The following ZBED4 variants were observed in gnomAD, a reference collection of about 807,000 sequenced individuals.
ZBED4 encodes zinc finger BED domain-containing protein 4.
ZBED4 carries 4 observed loss-of-function variants against 15.5 expected under a neutral mutation model. The observed-to-expected ratio is 0.26, with a 90% CI of 0.13 to 0.59. ZBED4 has a LOEUF of 0.59. Ranked by LOEUF, ZBED4 falls within the 20% of genes least tolerant of loss-of-function variation. The pLI is 0.90. For missense variants in ZBED4, 1,323 were observed against 1,461.8 expected (o/e 0.91, Z 1.55); for synonymous variants, 692 against 608.5 (o/e 1.14, Z -2.02).
chr22:49,864,484 C>T (rs1308018682), intron 1 of ZBED4, among the ~76,000 whole-genome samples: 2 of 152,114 alleles, frequency 1.3e-5, no homozygotes, highest in East Asian at 1.9e-4. Flanking sequence ...AGGACACGGC[C>T]ACGTCCGATA....
At position 49,884,240 on chromosome 22, in the gene ZBED4, C is replaced by T; in HGVS notation, c.578C>T (p.Pro193Leu). ...PSPSLLLPPQ[P>L]ADAGDLSTIL... ...CCCTCACTCCTGCTTCCACCACAGC[C>T]TGCGGACGCGGGTGACCTCAGCACC... The change falls in exon 2 of 2, where the codon CCT becomes CTT. Residue 193 changes from proline to leucine, a missense_variant. Physicochemically the swap from Pro to Leu is moderately conservative, Grantham distance 98 (BLOSUM62 -3). Around this residue, in one of 6 missense-constraint regions of ZBED4, gnomAD observed 380 missense variants for 413.7 expected, o/e 0.92. Transcript: ENST00000216268. 1 of 1,601,300 alleles carries T rather than the reference C, an allele frequency of 6.2e-7. No homozygotes were observed. Among genetic ancestry groups the T allele is most frequent in the Non-Finnish European group, 8.5e-7 (1 of 1,172,934 alleles).
At chr22:49,868,570 CTG>C (rs897240399) in intron 1 of ZBED4, among the ~76,000 whole-genome samples, 3 of 152,116 alleles carry the variant, frequency 2.0e-5, no homozygotes, top group African/African-American at 4.8e-5. Context: ...CAGAGCGAGA[CTG>C]TCTCTTCCAA....
chr22:49,865,208 A>G (rs1195068907), intron 1 of ZBED4, among the ~76,000 whole-genome samples: 1 of 152,108 alleles, frequency 6.6e-6, no homozygotes, highest in Non-Finnish European at 1.5e-5. Context: ...GCCTGTAGGC[A>G]TTTGTAACAC....
rs1289138222 is a variant in ZBED4 at position 49,886,915 on chromosome 22, G to A, written c.3253G>A (p.Val1085Met). 2 of 1,614,146 alleles carry A rather than the reference G, an allele frequency of 1.2e-6. No homozygotes were observed. The highest frequency in any genetic ancestry group is 1.7e-5 in the Admixed American group (1 of 60,024). Residue 1085 changes from valine to methionine, a missense_variant, in exon 2 of 2, where the codon GTG becomes ATG. Val to Met is a conservative substitution (Grantham distance 21, BLOSUM62 1). This residue lies in a region of ZBED4 where 312 missense variants were observed against 410.7 expected (regional missense o/e 0.76). Coordinates refer to ENST00000216268, the MANE Select transcript of ZBED4 (RefSeq NM_014838.3). The surrounding 1 kb of genome is among the most constrained non-coding windows in gnomAD (Gnocchi z 7.7). Reference protein sequence around the residue: ...DPREKLPEAMVLAYLEEEVLE... With the variant: ...DPREKLPEAMMLAYLEEEVLE... ...AAGAGAAAAGCTGCCTGAAGCCATG[G>A]TGCTTGCGTATCTGGAGGAGGAGGT... is the stretch of plus-strand genomic sequence containing the variant.
chr22:49,884,330 C>T lies in ZBED4; in HGVS notation c.668C>T (p.Thr223Ile). The change falls in exon 2 of 2, where the codon ACA (threonine) becomes ATA (isoleucine). Residue 223 changes from threonine to isoleucine, a missense_variant. Physicochemically the swap from Thr to Ile is moderately conservative, Grantham distance 89. Transcript: ENST00000216268. ...AAGATCCCGTCCCCCGATCGAATAACAGAGGAGTCTGTGTCTGTAGTTTCT... is the reference window on the plus strand; with the variant it reads ...AAGATCCCGTCCCCCGATCGAATAATAGAGGAGTCTGTGTCTGTAGTTTCT... Reference protein sequence around the residue: ...ASKIPSPDRITEESVSVVSSE... With the variant: ...ASKIPSPDRIIEESVSVVSSE... The T allele has an allele frequency of 6.2e-7, 1 of 1,613,794 alleles. No homozygotes were observed. Among genetic ancestry groups the T allele is most frequent in the Non-Finnish European group, 8.5e-7 (1 of 1,179,802 alleles).
intron 1 of ZBED4, among the ~76,000 whole-genome samples, chr22:49,873,294 G>A (rs1202666241): frequency 6.6e-6 from 1 of 152,192 alleles, no homozygotes; most frequent in Admixed American, 6.5e-5. Context: ...AACATGTAGA[G>A]GATTAATCGG....
At chr22:49,865,504 A>T (rs13056783) in intron 1 of ZBED4, among the ~76,000 whole-genome samples, 97,440 of 151,556 alleles carry the variant, frequency 0.64, 35,421 homozygotes, top group East Asian at 0.84. Flanking sequence ...AAAAAAAAAA[A>T]AATAATAACC....
intron 1 of ZBED4, among the ~76,000 whole-genome samples, chr22:49,871,758 T>TTTTA (rs1569160135): frequency 1.7e-5 from 2 of 119,772 alleles, no homozygotes; most frequent in South Asian, 2.8e-4. Context: ...TATTTATTTA[T>TTTTA]TTTTTTTTTT....
chr22:49,868,439 G>T (rs1217979758), intron 1 of ZBED4, among the ~76,000 whole-genome samples: 1 of 152,030 alleles, frequency 6.6e-6, no homozygotes, highest in Non-Finnish European at 1.5e-5. Flanking sequence ...AAATTAACTG[G>T]GTGGTGGCAC....
chr22:49,882,542 C>T (rs1182273103), intron 1 of ZBED4, among the ~76,000 whole-genome samples: 1 of 152,332 alleles, frequency 6.6e-6, no homozygotes, highest in Non-Finnish European at 1.5e-5. Flanking sequence ...GCTCCATCTC[C>T]TACCCCACAT....
intron 1 of ZBED4, among the ~76,000 whole-genome samples, chr22:49,872,044 G>A (rs955252001): frequency 2.0e-5 from 3 of 152,060 alleles, no homozygotes; most frequent in Admixed American, 6.6e-5. Context: ...GCACCCGGCT[G>A]ACAATTTCTT....
At chr22:49,878,775 A>C (rs550063985) in intron 1 of ZBED4, among the ~76,000 whole-genome samples, 1 of 152,232 alleles carries the variant, frequency 6.6e-6, no homozygotes, top group African/African-American at 2.4e-5. Context: ...AGGTGGGTGG[A>C]TCACCTGAGG....
At chr22:49,866,966 CT>C (rs1173445325) in intron 1 of ZBED4, among the ~76,000 whole-genome samples, 1 of 152,124 alleles carries the variant, frequency 6.6e-6, no homozygotes, top group African/African-American at 2.4e-5. Context: ...GTTTGGTTTG[CT>C]GTTTTTTCTA....
intron 1 of ZBED4, among the ~76,000 whole-genome samples, chr22:49,880,402 C>T (rs575652191): frequency 1.2e-3 from 188 of 152,374 alleles, no homozygotes; most frequent in Admixed American, 4.5e-3. Context: ...TCCTCTCCCG[C>T]GCTCGGGACA....
chr22:49,886,950 C>T lies in ZBED4; in HGVS notation c.3288C>T (p.His1096=). The change falls in exon 2 of 2, where the codon CAC becomes CAT. Residue 1096 remains histidine, a synonymous_variant. Transcript: ENST00000216268. This position sits in a 1 kb window ranked among gnomAD's most constrained non-coding sequence, Gnocchi z 7.7. ...ATCTGGAGGAGGAGGTGCTTGAACA[C>T]AGCTGTGACCCGCTCACCTACTGGA... ...LAYLEEEVLE[H]SCDPLTYWNL... The T allele has an allele frequency of 6.2e-7, 1 of 1,614,102 alleles. No homozygotes were observed. Among genetic ancestry groups the T allele is most frequent in the Non-Finnish European group, 8.5e-7 (1 of 1,180,026 alleles).
intron 1 of ZBED4, among the ~76,000 whole-genome samples, chr22:49,880,458 C>CAGCCTGGA (rs901498205): frequency 3.9e-5 from 6 of 152,250 alleles, no homozygotes; most frequent in African/African-American, 4.8e-5. Flanking sequence ...CCCCGCCCCG[C>CAGCCTGGA]AGCCTGGAAG....
At chr22:49,879,649 A>G (rs1026025184) in intron 1 of ZBED4, among the ~76,000 whole-genome samples, 3 of 99,434 alleles carry the variant, frequency 3.0e-5, no homozygotes, top group Admixed American at 2.3e-4. Flanking sequence ...GCGTGTTTCT[A>G]TTGGTTGGTT....
At chr22:49,855,656 G>A (rs2060272273) in intron 1 of ZBED4, among the ~76,000 whole-genome samples, 1 of 152,172 alleles carries the variant, frequency 6.6e-6, no homozygotes, top group African/African-American at 2.4e-5. Context: ...TGAGGAGCAG[G>A]AAGTGACCGT....
At chr22:49,874,194 A>C (rs916527818) in intron 1 of ZBED4, among the ~76,000 whole-genome samples, 1 of 151,946 alleles carries the variant, frequency 6.6e-6, no homozygotes, top group African/African-American at 2.4e-5. Context: ...GGAAGCACTC[A>C]CTCTTTCACT....
Sources: allele counts gnomAD v4.1 joint callset (sites outside exome capture counted in the v4.1 genomes callset), GRCh38; gene constraint gnomAD v4.1.1; regional missense constraint gnomAD v4.1.1; non-coding constraint Gnocchi (gnomAD v3.1); transcripts MANE v1.5; gene names NCBI Gene and HGNC (gene_info 2026-07-23, HGNC 2026-07-21).